RDH10: variants seen among roughly 807,000 people sequenced by gnomAD.
RDH10 encodes the protein retinol dehydrogenase 10, also known as retinol dehydrogenase 10 (all-trans).
In RDH10, 12 loss-of-function variants were observed where a neutral mutation model predicts 30.2. That is an observed-to-expected ratio of 0.40 (90% CI 0.25 to 0.64). The LOEUF is 0.64. Among genes scored for constraint, RDH10 ranks in the 30% least tolerant of loss-of-function variants. The probability of loss-of-function intolerance (pLI) is 0.43; values close to 1 mark genes in which losing one functional copy is unlikely to be tolerated. For synonymous variants in RDH10, 189 were observed against 172.2 expected (o/e 1.10, Z -0.76); for missense variants, 268 against 445.2 (o/e 0.60, Z 3.58).
chr8:73,319,065 G>T lies in RDH10; in HGVS notation c.526-31G>T, dbSNP rs550461184. 5 of 1,450,020 alleles carry T rather than the reference G, an allele frequency of 3.4e-6. No individual in the cohort carries two copies. In the East Asian group the frequency reaches 1.1e-4, roughly 33 times the overall value. The allele number at this position is 1,450,020 out of a possible 1,614,324, so 89.8% of individuals were successfully genotyped here. On this transcript the variant is annotated intron_variant, in intron 2 of 5. Transcript: ENST00000240285. The stretch of plus-strand genomic sequence containing the variant: ...GTTTTAGATGAAATTCATGAAATCA[G>T]TTCTAAAACTTGAATCTTACTTTGT...
intron 2 of RDH10, among the ~76,000 whole-genome samples, chr8:73,304,191 G>T (rs1814429266): frequency 6.6e-6 from 1 of 152,126 alleles, no homozygotes; most frequent in African/African-American, 2.4e-5. Flanking sequence ...TCTTAAAGCA[G>T]CATGTCACAA....
chr8:73,308,511 G>A (rs572113102), intron 2 of RDH10, among the ~76,000 whole-genome samples: 18 of 152,344 alleles, frequency 1.2e-4, no homozygotes, highest in African/African-American at 3.8e-4. Flanking sequence ...AGTGAGGTAA[G>A]TGCCAAGGCT....
At chr8:73,321,176 G>A in intron 4 of RDH10, 99 bp downstream of exon 4, 1 of 1,127,584 alleles carries the variant, frequency 8.9e-7, no homozygotes, top group Non-Finnish European at 1.3e-6. Context: ...ACTATCATTT[G>A]ACAATCTGTG....
intron 2 of RDH10, among the ~76,000 whole-genome samples, chr8:73,317,975 A>G (rs980533186): frequency 5.3e-5 from 8 of 149,986 alleles, no homozygotes; most frequent in East Asian, 3.9e-4. Flanking sequence ...TCATGCAAAA[A>G]CTCAGTGATA....
chr8:73,301,137 G>A (rs1449217560), intron 2 of RDH10, among the ~76,000 whole-genome samples: 8 of 127,806 alleles, frequency 6.3e-5, no homozygotes, highest in Admixed American at 1.9e-4. Context: ...TGCAAGCTCC[G>A]CCTCCCAGGT....
intron 2 of RDH10, among the ~76,000 whole-genome samples, chr8:73,305,293 G>A (rs552542596): frequency 2.0e-5 from 3 of 152,180 alleles, no homozygotes; most frequent in South Asian, 2.1e-4. Context: ...CTAATGAATC[G>A]GTTTTAGTAA....
chr8:73,320,853 T>C (rs1814759506), intron 3 of RDH10, 79 bp from the exon 4 acceptor site: 1 of 1,388,892 alleles, frequency 7.2e-7, no homozygotes, highest in Non-Finnish European at 1.0e-6. Flanking sequence ...AACATGGTAA[T>C]AGGACCAGGG....
chr8:73,323,995 A>G lies in RDH10; in HGVS notation c.*959A>G, dbSNP rs1335305174. 1 of 152,594 alleles carries G rather than the reference A, an allele frequency of 6.6e-6. No individual in the cohort carries two copies. The highest frequency in any genetic ancestry group is 2.4e-5 in the African/African-American group (1 of 41,438). 9.5% of individuals were successfully genotyped at this position (152,594 alleles called of 1,614,324 possible). Reference sequence around the variant, plus strand: ...CTGATATACTTCATTAAGTGTCTGGAGACCTAATTATCCTAAAAGATCATA... The same window carrying G: ...CTGATATACTTCATTAAGTGTCTGGGGACCTAATTATCCTAAAAGATCATA... On this transcript the variant is annotated 3_prime_UTR_variant, in exon 6 of 6. Transcript: ENST00000240285.
chr8:73,321,774 G>A (rs1253622267), intron 4 of RDH10: 1 of 455,556 alleles, frequency 2.2e-6, no homozygotes, highest in Non-Finnish European at 4.4e-6. Context: ...GAAAGGCAAA[G>A]GAAGATAACC....
chr8:73,296,563 T>A (rs1297611508), intron 1 of RDH10, among the ~76,000 whole-genome samples: 7 of 152,202 alleles, frequency 4.6e-5, no homozygotes, highest in Non-Finnish European at 1.0e-4. Context: ...GATTTTGGTT[T>A]TTAAATTGTC....
At chr8:73,302,906 T>C (rs1300021978) in intron 2 of RDH10, among the ~76,000 whole-genome samples, 1 of 152,216 alleles carries the variant, frequency 6.6e-6, no homozygotes, top group African/African-American at 2.4e-5. Context: ...AGCAGCAAAT[T>C]GATCCCTGAT....
intron 2 of RDH10, among the ~76,000 whole-genome samples, chr8:73,299,710 T>G (rs1814343152): frequency 6.6e-6 from 1 of 152,228 alleles, no homozygotes; most frequent in Admixed American, 6.5e-5. Flanking sequence ...GCATGATTAT[T>G]TTGCTTAATT....
chr8:73,315,164 C>A (rs1355258184), intron 2 of RDH10, among the ~76,000 whole-genome samples: 43 of 113,350 alleles, frequency 3.8e-4, no homozygotes, highest in African/African-American at 1.4e-3. Context: ...CTCTCTCCCC[C>A]CACCGGCCTC....
chr8:73,317,115 T>G (rs1814683808), intron 2 of RDH10, among the ~76,000 whole-genome samples: 1 of 152,136 alleles, frequency 6.6e-6, no homozygotes, highest in Admixed American at 6.5e-5. Flanking sequence ...TCTGGGACAG[T>G]CAGACAAATA....
At chr8:73,314,642 C>T (rs927695908) in intron 2 of RDH10, among the ~76,000 whole-genome samples, 9 of 152,192 alleles carry the variant, frequency 5.9e-5, no homozygotes, top group Non-Finnish European at 1.2e-4. Flanking sequence ...ATGTTTGACA[C>T]CAGCTTTAGA....
intron 2 of RDH10, among the ~76,000 whole-genome samples, chr8:73,305,667 A>AG (rs1814453627): frequency 1.4e-5 from 2 of 147,598 alleles, no homozygotes; most frequent in East Asian, 3.9e-4. Flanking sequence ...CTAAATACCC[A>AG]GGATGTTTTT....
chr8:73,295,109 C>G lies in RDH10; in HGVS notation c.-181C>G. On this transcript the variant is annotated 5_prime_UTR_variant, in exon 1 of 6. Coordinates refer to ENST00000240285, the MANE Select transcript of RDH10 (RefSeq NM_172037.5). ...CGCCGAGCCCGGGCGGGAGTGGCCC[C>G]GCGCAGGCAGGGAGCGGCGCCGCGC... The G allele has an allele frequency of 2.3e-6, 1 of 430,094 alleles. No individual in the cohort carries two copies. The highest frequency in any genetic ancestry group is 6.4e-4 in the Middle Eastern group (1 of 1,564). 26.6% of individuals were successfully genotyped at this position (430,094 alleles called of 1,614,324 possible). A position where few individuals can be genotyped will look rare whatever the true frequency, so the allele number is the denominator to read the frequency against.
At position 73,308,527 on chromosome 8, in the gene RDH10, A is replaced by T. The variant is rs557908135; in HGVS notation, c.526-10569A>T. Among the ~76,000 whole-genome samples the T allele has an allele frequency of 3.9e-5, 6 of 152,312 alleles. No individual in the cohort carries two copies. In the South Asian group the frequency reaches 1.2e-3, roughly 32 times the overall value. ...GTGAGGTAAGTGCCAAGGCTGACGG[A>T]GTCTACAGTCCCTGTCTTGAAAGCT... On this transcript the variant is annotated intron_variant, in intron 2 of 5. Coordinates refer to ENST00000240285, the MANE Select transcript of RDH10 (RefSeq NM_172037.5).
intron 2 of RDH10, among the ~76,000 whole-genome samples, chr8:73,303,741 C>T (rs1814421902): frequency 6.6e-6 from 1 of 152,162 alleles, no homozygotes; most frequent in East Asian, 1.9e-4. Context: ...TACCTATATA[C>T]ACCAAATAGG....
Sources: allele counts gnomAD v4.1 joint callset (sites outside exome capture counted in the v4.1 genomes callset), GRCh38; gene constraint gnomAD v4.1.1; transcripts MANE v1.5; gene names NCBI Gene and HGNC (gene_info 2026-07-23, HGNC 2026-07-21).